The following CNTNAP2 variants were observed in gnomAD, a reference collection of about 807,000 sequenced individuals.
The protein encoded by CNTNAP2 is contactin-associated protein-like 2.
In CNTNAP2, 98 loss-of-function variants were observed where a neutral mutation model predicts 155.2. That is an observed-to-expected ratio of 0.63 (90% CI 0.54 to 0.75). The LOEUF (loss-of-function observed/expected upper bound fraction) is 0.75. CNTNAP2 is among the 30% of genes least tolerant of loss of function. The probability of loss-of-function intolerance (pLI) is 0.00; values close to 1 mark genes in which losing one functional copy is unlikely to be tolerated. For missense variants in CNTNAP2, 1,727 were observed against 1,688.1 expected, an observed-to-expected ratio of 1.02 and a Z score of -0.40; for synonymous variants, 651 against 631.2, an observed-to-expected ratio of 1.03 and a Z score of -0.47.
At chr7:147,894,079 C>T (rs1799736832) in intron 13 of CNTNAP2, 1 of 152,182 alleles carries the variant, frequency 6.6e-6, no homozygotes, top group Admixed American at 6.5e-5. Context: ...TTCTCTGCTC[C>T]ATCCCATCCT....
At chr7:147,143,936 G>T (rs984293065) in intron 8 of CNTNAP2, among the ~76,000 whole-genome samples, 4 of 152,002 alleles carry the variant, frequency 2.6e-5, no homozygotes, top group African/African-American at 9.7e-5. Context: ...TTTTCACACA[G>T]AATACAAAAT....
At chr7:146,712,391 A>AGTAGACATATCTTATGTATAC (rs1293782028) in intron 1 of CNTNAP2, among the ~76,000 whole-genome samples, 1 of 132,170 alleles carries the variant, frequency 7.6e-6, no homozygotes, top group African/African-American at 2.7e-5. Context: ...TATACTATAT[A>AGTAGACATATCTTATGTATAC]TATAAATAAA....
chr7:146,936,207 G>T (rs900953643), intron 3 of CNTNAP2, among the ~76,000 whole-genome samples: 1 of 152,132 alleles, frequency 6.6e-6, no homozygotes, highest in Admixed American at 6.5e-5. Flanking sequence ...ATTACGGGAG[G>T]CTATTGTTTG....
At chr7:147,596,966 A>T (rs1800836719) in intron 12 of CNTNAP2, among the ~76,000 whole-genome samples, 1 of 151,220 alleles carries the variant, frequency 6.6e-6, no homozygotes, top group Non-Finnish European at 1.5e-5. Context: ...AAGTTACCCT[A>T]TATGGTCTAA....
chr7:147,730,499 G>A (rs1486881726), intron 13 of CNTNAP2, among the ~76,000 whole-genome samples: 2 of 151,756 alleles, frequency 1.3e-5, no homozygotes, highest in African/African-American at 4.8e-5. Flanking sequence ...TAATTGTTTT[G>A]GGGAACCATG....
chr7:147,105,867 G>A lies in CNTNAP2; in HGVS notation c.551-2280G>A, dbSNP rs777402637. ...AGCTGACCCTGACAACTTACCATTT[G>A]TAAAGTGAGACTTGGTCTACATGAA... On this transcript the variant is annotated intron_variant, in intron 4 of 23. Transcript: ENST00000361727. 2.0e-5 allele frequency among the ~76,000 whole-genome samples: 3 copies of A among 152,066 alleles called. No homozygotes were observed. The East Asian group carries it at 5.8e-4, about 29-fold the overall frequency.
At chr7:146,856,261 T>TATAGATAGATAGATAGATAG (rs72247117) in intron 3 of CNTNAP2, among the ~76,000 whole-genome samples, 7 of 135,198 alleles carry the variant, frequency 5.2e-5, no homozygotes, top group Non-Finnish European at 8.0e-5. Flanking sequence ...AGATGATAGA[T>TATAGATAGATAGATAGATAG]ATAGATAGAT....
intron 11 of CNTNAP2, among the ~76,000 whole-genome samples, chr7:147,547,542 C>T (rs527302969): frequency 6.6e-6 from 1 of 152,230 alleles, no homozygotes; most frequent in South Asian, 2.1e-4. Context: ...ACAGTAGTAA[C>T]TCCTTTCTTT....
At chr7:146,976,407 C>G (rs1252483916) in intron 3 of CNTNAP2, among the ~76,000 whole-genome samples, 2 of 152,132 alleles carry the variant, frequency 1.3e-5, no homozygotes, top group African/African-American at 4.8e-5. Flanking sequence ...GTTGCAAGCC[C>G]CAGGCTCTTT....
chr7:147,394,723 T>G (rs927173538), intron 9 of CNTNAP2, among the ~76,000 whole-genome samples: 1 of 151,896 alleles, frequency 6.6e-6, no homozygotes, highest in African/African-American at 2.4e-5. Context: ...GGTGGTGATC[T>G]CTTAAAGTTA....
At chr7:147,276,565 T>C (rs1804901237) in intron 8 of CNTNAP2, among the ~76,000 whole-genome samples, 1 of 152,052 alleles carries the variant, frequency 6.6e-6, no homozygotes, top group Admixed American at 6.6e-5. Flanking sequence ...GATGCCAAAC[T>C]TGAAGCTCAT....
chr7:148,071,477 T>TCACA (rs765968234), intron 15 of CNTNAP2, among the ~76,000 whole-genome samples: 1 of 151,372 alleles, frequency 6.6e-6, no homozygotes, highest in East Asian at 1.9e-4. Context: ...AGACTCCATC[T>TCACA]CACACACACA....
intron 8 of CNTNAP2, among the ~76,000 whole-genome samples, chr7:147,183,884 C>T (rs1321582355): frequency 6.6e-6 from 1 of 152,064 alleles, no homozygotes; most frequent in African/African-American, 2.4e-5. Context: ...TAAAGTGGTG[C>T]CTACTATAGT....
intron 13 of CNTNAP2, among the ~76,000 whole-genome samples, chr7:147,894,520 A>G (rs768190379): frequency 1.3e-5 from 2 of 152,150 alleles, no homozygotes; most frequent in Non-Finnish European, 2.9e-5. Flanking sequence ...TACCTGTTCT[A>G]TTTCCTCAGC....
intron 11 of CNTNAP2, among the ~76,000 whole-genome samples, chr7:147,546,890 G>T (rs370071464): frequency 2.6e-5 from 4 of 152,158 alleles, no homozygotes; most frequent in African/African-American, 4.8e-5. Context: ...GCATATGCAT[G>T]CATGAGGCCA....
chr7:147,586,853 G>A (rs557852467), intron 12 of CNTNAP2, among the ~76,000 whole-genome samples: 10 of 152,146 alleles, frequency 6.6e-5, no homozygotes, highest in African/African-American at 1.9e-4. Flanking sequence ...CACCATATGG[G>A]CTACCTGTGG....
chr7:146,350,620 G>T (rs1192704023), intron 1 of CNTNAP2, among the ~76,000 whole-genome samples: 2 of 151,794 alleles, frequency 1.3e-5, no homozygotes, highest in Admixed American at 6.6e-5. Context: ...AGTCAGTGTG[G>T]CAATTCCTCA....
chr7:147,497,020 A>C (rs892737855), intron 11 of CNTNAP2: 1 of 152,120 alleles, frequency 6.6e-6, no homozygotes, highest in Non-Finnish European at 1.5e-5. Flanking sequence ...AATAAGCAAT[A>C]GTTTCTTATA....
chr7:147,133,051 G>A (rs891860252), intron 8 of CNTNAP2, among the ~76,000 whole-genome samples: 5 of 152,050 alleles, frequency 3.3e-5, no homozygotes, highest in South Asian at 2.1e-4. Flanking sequence ...ATCAACTGAC[G>A]GAAGACTGGC....
Sources: allele counts gnomAD v4.1 joint callset (sites outside exome capture counted in the v4.1 genomes callset), GRCh38; gene constraint gnomAD v4.1.1; transcripts MANE v1.5; gene names NCBI Gene and HGNC (gene_info 2026-07-23, HGNC 2026-07-21).